The following PGM3 variants were observed in gnomAD, a reference collection of about 807,000 sequenced individuals.
PGM3 encodes the protein phosphoglucomutase 3, also known as phosphoacetylglucosamine mutase.
In PGM3, 40 loss-of-function variants were observed where a neutral mutation model predicts 66.2. The observed-to-expected ratio is 0.60, with a 90% CI of 0.47 to 0.79. PGM3 has a LOEUF of 0.79. PGM3 is among the 30% of genes least tolerant of loss of function. The pLI is 0.00. For synonymous variants in PGM3, 191 were observed against 224.2 expected (o/e 0.85, Z 1.32); for missense variants, 537 against 643.4 (o/e 0.83, Z 1.79).
At chr6:83,150,260 G>C in the PGM3 span, among the ~76,000 whole-genome samples, 1 of 152,158 alleles carries the variant, frequency 6.6e-6, no homozygotes, top group Non-Finnish European at 1.5e-5. Context: ...TGTAGTCCCA[G>C]CTACACAGGA....
At chr6:83,187,632 C>T (rs1259109370) in intron 3 of PGM3, among the ~76,000 whole-genome samples, 1 of 152,008 alleles carries the variant, frequency 6.6e-6, no homozygotes, top group Non-Finnish European at 1.5e-5. Flanking sequence ...GGTGAAACCA[C>T]GTCTCTACTA....
chr6:83,177,355 AGCAAGTAGTGTGGT>A (rs1277862619), intron 8 of PGM3, among the ~76,000 whole-genome samples: 1 of 152,140 alleles, frequency 6.6e-6, no homozygotes, highest in East Asian at 1.9e-4. Flanking sequence ...TAACTCTCCG[AGCAAGTAGTGTGGT>A]GCCAAGGGTG....
At chr6:83,190,076 T>A (rs751841298) in intron 2 of PGM3, among the ~76,000 whole-genome samples, 26 of 151,944 alleles carry the variant, frequency 1.7e-4, no homozygotes, top group South Asian at 1.7e-3. Flanking sequence ...TGACTATAGT[T>A]CATAATAATA....
At position 83,168,421 on chromosome 6, in the gene PGM3, G is replaced by A; in HGVS notation, c.*813C>T. 4 of 1,169,308 alleles carry A rather than the reference G, an allele frequency of 3.4e-6. No individual in the cohort carries two copies. The highest frequency in any genetic ancestry group is 4.2e-6 in the Non-Finnish European group (4 of 947,280). 72.4% of individuals were successfully genotyped at this position (1,169,308 alleles called of 1,614,324 possible). ...ACATGTAAAGTCCATTGTTTTTATT[G>A]TCCTGAGTTGTCTTAAACCTGCAAA... On this transcript the variant is annotated 3_prime_UTR_variant, in exon 13 of 13. Transcript: ENST00000513973.
At chr6:83,188,517 C>G (rs1186934590) in intron 3 of PGM3, 97 bp downstream of exon 3, 2 of 995,470 alleles carry the variant, frequency 2.0e-6, no homozygotes, top group Non-Finnish European at 1.5e-6. Flanking sequence ...GGTAGTTCCA[C>G]TTTACTTCTT....
At chr6:83,171,539 A>G (rs573312789) in intron 11 of PGM3, among the ~76,000 whole-genome samples, 6 of 152,262 alleles carry the variant, frequency 3.9e-5, no homozygotes, top group African/African-American at 9.6e-5. Context: ...TCGCCAGGCC[A>G]GAGTGCAATG....
chr6:83,153,308 C>A, the PGM3 span: 1 of 354,054 alleles, frequency 2.8e-6, no homozygotes. Flanking sequence ...GCAAGATTTG[C>A]CCATATTTAT....
rs748243202 is a variant in PGM3, at chr6:83,170,286, T to TAGAACTATCCC, written c.1539+8_1539+18dup. ...CACCTAATATTAGGCTCTTTTTCAA[T>TAGAACTATCCC]AGAACTATCCCAGCTTACTTGTGAG... On this transcript the variant is annotated intron_variant, in intron 12 of 12. Transcript: ENST00000513973. The TAGAACTATCCC allele has an allele frequency of 1.9e-6, 3 of 1,611,948 alleles. No homozygotes were observed. Among genetic ancestry groups the TAGAACTATCCC allele is most frequent in the Non-Finnish European group, 2.5e-6 (3 of 1,178,468 alleles).
chr6:83,152,806 CG>C, the PGM3 span, among the ~76,000 whole-genome samples: 1 of 151,666 alleles, frequency 6.6e-6, no homozygotes, highest in South Asian at 2.1e-4. Context: ...TTAGTAGAGA[CG>C]GGGTTTCATC....
At chr6:83,170,707 A>C (rs1274802185) in intron 11 of PGM3, 4 of 447,116 alleles carry the variant, frequency 8.9e-6, no homozygotes, top group Non-Finnish European at 1.6e-5. Flanking sequence ...GCTTAGAGTT[A>C]CCACTAAGAT....
At chr6:83,159,088 T>A (rs1783561105), downstream of PGM3, among the ~76,000 whole-genome samples, 1 of 152,204 alleles carries the variant, frequency 6.6e-6, no homozygotes, top group Non-Finnish European at 1.5e-5. Context: ...ATTTATAAAT[T>A]GAAAAGTTCC....
chr6:83,193,319 G>A (rs1323946333), upstream of PGM3: 1 of 147,784 alleles, frequency 6.8e-6, no homozygotes, highest in Non-Finnish European at 1.5e-5. Flanking sequence ...GGCCAATCAC[G>A]GCAGAGGACT....
chr6:83,183,808 CT>C (rs2128499659), intron 4 of PGM3, among the ~76,000 whole-genome samples: 1 of 152,138 alleles, frequency 6.6e-6, no homozygotes, highest in South Asian at 2.1e-4. Flanking sequence ...TCACTACAAC[CT>C]CCACCTCCCA....
intron 1 of PGM3, among the ~76,000 whole-genome samples, chr6:83,191,711 G>A (rs1376119351): frequency 6.6e-6 from 1 of 152,132 alleles, no homozygotes. Flanking sequence ...AACATCGGCC[G>A]GGAGCGGTGG....
intron 4 of PGM3, among the ~76,000 whole-genome samples, chr6:83,184,225 C>G (rs537108123): frequency 6.6e-6 from 1 of 152,118 alleles, no homozygotes; most frequent in Non-Finnish European, 1.5e-5. Flanking sequence ...AAAAATGGAT[C>G]GCAAAGATGG....
At chr6:83,172,844 G>T (rs1233843335) in intron 10 of PGM3, among the ~76,000 whole-genome samples, 1 of 151,714 alleles carries the variant, frequency 6.6e-6, no homozygotes, top group East Asian at 1.9e-4. Context: ...GTAAAAAAAT[G>T]ATTGATTGCT....
chr6:83,163,739 C>T (rs1784777147), downstream of PGM3, among the ~76,000 whole-genome samples: 2 of 152,036 alleles, frequency 1.3e-5, no homozygotes. Flanking sequence ...TGCAAGACCC[C>T]CACAACCTGC....
the PGM3 span, among the ~76,000 whole-genome samples, chr6:83,155,209 C>CCTAG: frequency 6.6e-6 from 1 of 151,798 alleles, no homozygotes; most frequent in Non-Finnish European, 1.5e-5. Flanking sequence ...CGCCTGTAAT[C>CCTAG]CTAGCACTTT....
intron 11 of PGM3, among the ~76,000 whole-genome samples, chr6:83,171,530 C>T (rs553651828): frequency 2.6e-4 from 40 of 152,198 alleles, no homozygotes; most frequent in Admixed American, 7.8e-4. Context: ...CTCGCTCTGT[C>T]GCCAGGCCAG....
Sources: gnomAD v4.1 joint callset for allele counts (sites outside exome capture counted in the v4.1 genomes callset) on GRCh38, gnomAD v4.1.1 for gene constraint, MANE v1.5 for transcripts, NCBI Gene and HGNC (gene_info 2026-07-23, HGNC 2026-07-21) for gene names.